The following CDH13 variants were observed in gnomAD, a reference collection of about 807,000 sequenced individuals.
CDH13 encodes cadherin 13, also known as cadherin-13.
Under a neutral mutation model 63.8 loss-of-function variants are expected in CDH13, and 24 were observed. That is an observed-to-expected ratio of 0.38 (90% confidence interval 0.27 to 0.53). The LOEUF is 0.53. Ranked by LOEUF, CDH13 falls within the 20% of genes least tolerant of loss-of-function variation. The pLI, the probability that CDH13 is intolerant of heterozygous loss-of-function variation, is 0.85. For synonymous variants in CDH13, 503 were observed against 355.3 expected, an observed-to-expected ratio of 1.42 and a Z score of -4.67; for missense variants, 1,049 against 903.1, an observed-to-expected ratio of 1.16 and a Z score of -2.07.
intron 5 of CDH13, among the ~76,000 whole-genome samples, chr16:83,316,275 G>A (rs1484875881): frequency 1.3e-5 from 2 of 152,172 alleles, no homozygotes; most frequent in African/African-American, 4.8e-5. Flanking sequence ...AGATTTAGGT[G>A]TGTGACACAG....
chr16:82,753,425 C>G (rs1239967172), intron 1 of CDH13, among the ~76,000 whole-genome samples: 1 of 152,100 alleles, frequency 6.6e-6, no homozygotes, highest in Non-Finnish European at 1.5e-5. Flanking sequence ...CTTTGCACAC[C>G]ATTTATCCTC....
chr16:83,395,622 C>T (rs1176423834), intron 6 of CDH13, among the ~76,000 whole-genome samples: 1 of 152,134 alleles, frequency 6.6e-6, no homozygotes, highest in Non-Finnish European at 1.5e-5. Flanking sequence ...TCAGCCTGGT[C>T]ATTGCTCAAA....
At chr16:83,614,721 G>A (rs1438911798) in intron 8 of CDH13, among the ~76,000 whole-genome samples, 1 of 152,132 alleles carries the variant, frequency 6.6e-6, no homozygotes, top group Admixed American at 6.6e-5. Flanking sequence ...GAAAAAATCT[G>A]GATTAGCTTT....
chr16:82,976,979 C>G (rs934319196), intron 2 of CDH13, among the ~76,000 whole-genome samples: 1 of 152,160 alleles, frequency 6.6e-6, no homozygotes, highest in African/African-American at 2.4e-5. Context: ...TTTGTCCTGT[C>G]TATTATACAC....
At chr16:83,077,046 C>T (rs1255257105) in intron 3 of CDH13, among the ~76,000 whole-genome samples, 1 of 151,798 alleles carries the variant, frequency 6.6e-6, no homozygotes, top group East Asian at 1.9e-4. Context: ...CTGATTTTTC[C>T]CATCATAGAC....
At chr16:83,156,718 A>G (rs1384189128) in intron 4 of CDH13, among the ~76,000 whole-genome samples, 1 of 152,054 alleles carries the variant, frequency 6.6e-6, no homozygotes, top group South Asian at 2.1e-4. Flanking sequence ...GACAGCATTC[A>G]TTTTTGCTGA....
At chr16:83,014,790 T>TATA (rs1914565647) in intron 2 of CDH13, among the ~76,000 whole-genome samples, 1 of 57,586 alleles carries the variant, frequency 1.7e-5, no homozygotes, top group Non-Finnish European at 3.4e-5. Flanking sequence ...ATATATATAT[T>TATA]TGTATATATA....
intron 7 of CDH13, among the ~76,000 whole-genome samples, chr16:83,519,598 G>C (rs1567732072): frequency 1.3e-5 from 2 of 152,194 alleles, no homozygotes; most frequent in Non-Finnish European, 2.9e-5. Context: ...TCAGAAGTCA[G>C]AGAAGTTGCC....
chr16:82,964,669 C>T (rs1037206773), intron 2 of CDH13, among the ~76,000 whole-genome samples: 1 of 152,192 alleles, frequency 6.6e-6, no homozygotes, highest in Non-Finnish European at 1.5e-5. Context: ...ATATGTAAAG[C>T]TTCCAGTGGT....
At chr16:83,416,257 A>T (rs533044800) in intron 6 of CDH13, among the ~76,000 whole-genome samples, 44 of 152,306 alleles carry the variant, frequency 2.9e-4, no homozygotes, top group African/African-American at 1.1e-3. Context: ...AAAGACACAA[A>T]CAGATAGAGA....
intron 1 of CDH13, among the ~76,000 whole-genome samples, chr16:82,802,933 C>T (rs1368044126): frequency 6.6e-6 from 1 of 152,164 alleles, no homozygotes; most frequent in African/African-American, 2.4e-5. Context: ...AAATCCCACC[C>T]ACTACGGTGT....
intron 1 of CDH13, among the ~76,000 whole-genome samples, chr16:82,652,159 C>G (rs1485415014): frequency 1.3e-5 from 2 of 152,216 alleles, no homozygotes; most frequent in Non-Finnish European, 2.9e-5. Context: ...GAAAAGAGGT[C>G]ATCAGATTGT....
At chr16:82,776,600 A>C (rs2035508851) in intron 1 of CDH13, among the ~76,000 whole-genome samples, 2 of 152,350 alleles carry the variant, frequency 1.3e-5, no homozygotes, top group Admixed American at 1.3e-4. Context: ...TATTTGTTTT[A>C]GGAAGTGCTG....
chr16:83,385,963 G>A (rs2151423005), intron 6 of CDH13, among the ~76,000 whole-genome samples: 1 of 152,294 alleles, frequency 6.6e-6, no homozygotes, highest in East Asian at 1.9e-4. Context: ...TATGAACTAT[G>A]ACCATAGCCA....
At chr16:83,131,208 A>G (rs2036036951) in intron 4 of CDH13, among the ~76,000 whole-genome samples, 1 of 82,090 alleles carries the variant, frequency 1.2e-5, no homozygotes, top group Admixed American at 1.4e-4. Flanking sequence ...CCCCGCCCAC[A>G]GACACACACA....
intron 6 of CDH13, among the ~76,000 whole-genome samples, chr16:83,387,650 G>T (rs2091700735): frequency 6.6e-6 from 1 of 152,174 alleles, no homozygotes; most frequent in Non-Finnish European, 1.5e-5. Context: ...AGTTTTTCTT[G>T]CAAATCTCTA....
intron 1 of CDH13, among the ~76,000 whole-genome samples, chr16:82,717,668 C>T (rs999104657): frequency 6.6e-5 from 10 of 152,154 alleles, no homozygotes; most frequent in Admixed American, 2.6e-4. Context: ...CTCTGCCCCC[C>T]TCTTATGAAG....
At chr16:83,386,564 C>A (rs2151423722) in intron 6 of CDH13, among the ~76,000 whole-genome samples, 1 of 152,218 alleles carries the variant, frequency 6.6e-6, no homozygotes, top group Admixed American at 6.5e-5. Context: ...ATAGTATTAC[C>A]CACCCTACTT....
chr16:83,011,280 T>A (rs751954895), intron 2 of CDH13, among the ~76,000 whole-genome samples: 6 of 152,094 alleles, frequency 3.9e-5, no homozygotes, highest in Non-Finnish European at 8.8e-5. Flanking sequence ...CACAGAGTTG[T>A]AAAAAGCTCT....
Sources: gnomAD v4.1 joint callset for allele counts (sites outside exome capture counted in the v4.1 genomes callset) on GRCh38, gnomAD v4.1.1 for gene constraint, MANE v1.5 for transcripts, NCBI Gene and HGNC (gene_info 2026-07-23, HGNC 2026-07-21) for gene names.